The following TMEM248 variants were observed in gnomAD, a reference collection of about 807,000 sequenced individuals.
TMEM248 encodes UPF0458 protein C7orf42.
A neutral mutation model predicts 30.3 loss-of-function variants in TMEM248; 9 were observed. The ratio of observed to expected loss-of-function variants is 0.30; its 90% CI spans 0.18 to 0.52. The LOEUF (loss-of-function observed/expected upper bound fraction) is 0.52, where lower values mean the gene tolerates loss of function less well. Among genes scored for constraint, TMEM248 ranks in the 20% least tolerant of loss-of-function variants. The pLI is 0.97. For synonymous variants in TMEM248, 184 were observed against 154.4 expected (o/e 1.19, Z -1.42); for missense variants, 338 against 403.3 (o/e 0.84, Z 1.39).
At chr7:66,925,107 T>C (rs542026211) in intron 1 of TMEM248, among the ~76,000 whole-genome samples, 2 of 151,438 alleles carry the variant, frequency 1.3e-5, no homozygotes, top group East Asian at 3.9e-4. Flanking sequence ...TGCACCCTCC[T>C]CCTCCTGGGC....
Position 66,941,884 on chromosome 7 carries a change from C to G in TMEM248, c.19C>G (p.Leu7Val). Residue 7 changes from leucine to valine, a missense_variant, in exon 2 of 7, where the codon CTG (leucine) becomes GTG (valine). Leu to Val is a conservative substitution (Grantham distance 32). Transcript: ENST00000341567. Reference sequence around the variant, plus strand: ...CAGAATAATGTTCAGCATCAACCCCCTGGAGAACCTGAAGGTGTACATCAG... The same window carrying G: ...CAGAATAATGTTCAGCATCAACCCCGTGGAGAACCTGAAGGTGTACATCAG... The part of the protein sequence containing the change: MFSINP[L>V]ENLKVYISSR... 1 of 1,614,028 alleles carries G rather than the reference C, an allele frequency of 6.2e-7. No homozygotes were observed. The highest frequency in any genetic ancestry group is 1.3e-5 in the African/African-American group (1 of 75,036).
At chr7:66,924,416 A>T (rs756777870) in intron 1 of TMEM248, among the ~76,000 whole-genome samples, 1 of 151,946 alleles carries the variant, frequency 6.6e-6, no homozygotes, top group Non-Finnish European at 1.5e-5. Context: ...TTTTATATAT[A>T]TTTTTTGAGA....
At chr7:66,941,798 C>A in intron 1 of TMEM248, 50 bp from the exon 2 acceptor site, 3 of 1,505,572 alleles carry the variant, frequency 2.0e-6, no homozygotes, top group Admixed American at 2.0e-5. Context: ...AGAATCATAG[C>A]TTTCCTGTTG....
At chr7:66,953,410 G>A in intron 6 of TMEM248, 41 bp downstream of exon 6, 2 of 1,604,546 alleles carry the variant, frequency 1.2e-6, no homozygotes, top group East Asian at 2.2e-5. Context: ...TTTACTAGAG[G>A]TCTCTGTATA....
At chr7:66,929,685 C>T (rs1426418800) in intron 1 of TMEM248, among the ~76,000 whole-genome samples, 2 of 151,986 alleles carry the variant, frequency 1.3e-5, no homozygotes, top group Non-Finnish European at 2.9e-5. Context: ...CCACCTGCCT[C>T]GGCCTCCCAA....
At chr7:66,948,946 T>C (rs1365998506) in intron 4 of TMEM248, among the ~76,000 whole-genome samples, 1 of 152,184 alleles carries the variant, frequency 6.6e-6, no homozygotes, top group Non-Finnish European at 1.5e-5. Context: ...AGCACCTGGC[T>C]GTTGTTGGAC....
chr7:66,948,771 TA>T (rs1383988203), intron 4 of TMEM248, 77 bp downstream of exon 4: 2 of 1,504,686 alleles, frequency 1.3e-6, no homozygotes, highest in African/African-American at 2.8e-5. Context: ...GCTTCAGCTG[TA>T]AATTCTCAGG....
intron 1 of TMEM248, among the ~76,000 whole-genome samples, chr7:66,935,944 A>G (rs369047282): frequency 2.0e-5 from 3 of 152,344 alleles, no homozygotes; most frequent in Admixed American, 6.5e-5. Context: ...AAATTGGTCT[A>G]TCAGTTCTAG....
chr7:66,925,687 G>GTTTTTTC (rs58801565), intron 1 of TMEM248, among the ~76,000 whole-genome samples: 32,809 of 145,520 alleles, frequency 0.23, 3,910 homozygotes, highest in East Asian at 0.34. Context: ...TCTATTTGTA[G>GTTTTTTC]TTTTTTCTTT....
chr7:66,953,108 A>T, intron 5 of TMEM248, 118 bp from the exon 6 acceptor site: 2 of 1,158,610 alleles, frequency 1.7e-6, no homozygotes, highest in Non-Finnish European at 2.4e-6. Flanking sequence ...CTTGCAGCTT[A>T]AGAAGAAAAG....
chr7:66,926,712 AAGG>A (rs1791535638), intron 1 of TMEM248, among the ~76,000 whole-genome samples: 1 of 152,048 alleles, frequency 6.6e-6, no homozygotes, highest in East Asian at 1.9e-4. Context: ...AAAAAACAGA[AAGG>A]AGGAAAGATA....
At chr7:66,924,035 C>T (rs774227059) in intron 1 of TMEM248, among the ~76,000 whole-genome samples, 2 of 152,212 alleles carry the variant, frequency 1.3e-5, no homozygotes, top group African/African-American at 2.4e-5. Context: ...TGGCATAAAA[C>T]AATGCTTAAC....
chr7:66,935,609 G>A (rs117784681), intron 1 of TMEM248, among the ~76,000 whole-genome samples: 3,291 of 152,274 alleles, frequency 0.022, 55 homozygotes, highest in Non-Finnish European at 0.034. Context: ...GAGGCACGAC[G>A]TTGGCTCACT....
intron 5 of TMEM248, among the ~76,000 whole-genome samples, chr7:66,951,490 G>A (rs1233005549): frequency 6.6e-6 from 1 of 152,052 alleles, no homozygotes; most frequent in East Asian, 1.9e-4. Flanking sequence ...GTTAGTGTCC[G>A]TGTGAACAAG....
At chr7:66,953,488 C>T in intron 6 of TMEM248, 119 bp downstream of exon 6, 1 of 1,346,750 alleles carries the variant, frequency 7.4e-7, no homozygotes. Context: ...AAATGACAGT[C>T]ATCCCTTGGT....
intron 1 of TMEM248, among the ~76,000 whole-genome samples, chr7:66,935,246 A>G (rs897802194): frequency 1.3e-5 from 2 of 150,480 alleles, no homozygotes; most frequent in South Asian, 2.1e-4. Context: ...GCAGTGGCGC[A>G]ATCTCAGCTC....
chr7:66,952,203 A>G (rs1436135175), intron 5 of TMEM248, among the ~76,000 whole-genome samples: 1 of 151,782 alleles, frequency 6.6e-6, no homozygotes, highest in East Asian at 1.9e-4. Flanking sequence ...GATTCTAAGT[A>G]GCTGGGATTA....
chr7:66,947,932 T>A (rs1271069084), intron 3 of TMEM248, among the ~76,000 whole-genome samples: 2 of 151,974 alleles, frequency 1.3e-5, no homozygotes, highest in African/African-American at 4.8e-5. Context: ...AAAACTTTTT[T>A]GTAGAGACAG....
intron 6 of TMEM248, among the ~76,000 whole-genome samples, chr7:66,955,224 C>G (rs1484716165): frequency 2.6e-5 from 4 of 152,200 alleles, no homozygotes; most frequent in African/African-American, 9.6e-5. Context: ...GATTGCACCA[C>G]TGCACTCCAG....
Sources: gnomAD v4.1 joint callset for allele counts (sites outside exome capture counted in the v4.1 genomes callset) on GRCh38, gnomAD v4.1.1 for gene constraint, MANE v1.5 for transcripts, NCBI Gene and HGNC (gene_info 2026-07-23, HGNC 2026-07-21) for gene names.